LGR5: variants seen among roughly 807,000 people sequenced by gnomAD.
LGR5 encodes leucine-rich repeat-containing G protein-coupled receptor 5.
Under a neutral mutation model 76.7 loss-of-function variants are expected in LGR5, and 54 were observed. The ratio of observed to expected loss-of-function variants is 0.70; its 90% CI spans 0.57 to 0.88. LGR5 has a LOEUF of 0.88. Ranked by LOEUF, LGR5 falls within the 40% of genes least tolerant of loss-of-function variation. The pLI is 0.00. For missense variants in LGR5, 1,078 were observed against 1,073.3 expected, an observed-to-expected ratio of 1.00 and a Z score of -0.06; for synonymous variants, 406 against 421.9, an observed-to-expected ratio of 0.96 and a Z score of 0.46.
At chr12:71,484,321 ACT>A (rs1873736292) in intron 1 of LGR5, among the ~76,000 whole-genome samples, 1 of 152,208 alleles carries the variant, frequency 6.6e-6, no homozygotes, top group African/African-American at 2.4e-5. Context: ...GGGGAAAGAA[ACT>A]GGTTGCCCTT....
chr12:71,507,297 T>G (rs1348558650), intron 2 of LGR5, among the ~76,000 whole-genome samples: 1 of 152,168 alleles, frequency 6.6e-6, no homozygotes, highest in Non-Finnish European at 1.5e-5. Context: ...GTTGGAATTG[T>G]GCATGGTTTA....
chr12:71,571,969 G>T (rs1427864652), intron 12 of LGR5, among the ~76,000 whole-genome samples: 2 of 151,988 alleles, frequency 1.3e-5, no homozygotes, highest in African/African-American at 4.8e-5. Context: ...TTTCACAATA[G>T]TCAACTTTAG....
intron 15 of LGR5, 100 bp downstream of exon 15, chr12:71,579,029 T>C: frequency 9.1e-7 from 1 of 1,102,742 alleles, no homozygotes; most frequent in Non-Finnish European, 1.3e-6. Flanking sequence ...TGAGACACTT[T>C]TGAATTGCAT....
chr12:71,470,874 C>T (rs898119960), intron 1 of LGR5, among the ~76,000 whole-genome samples: 1 of 152,156 alleles, frequency 6.6e-6, no homozygotes, highest in Admixed American at 6.5e-5. Context: ...ACTAGGCCAC[C>T]CCTCAATGGA....
intron 2 of LGR5, among the ~76,000 whole-genome samples, chr12:71,513,895 T>C (rs1290772005): frequency 6.6e-6 from 1 of 152,154 alleles, no homozygotes; most frequent in Non-Finnish European, 1.5e-5. Context: ...GGAAACAAGA[T>C]CAAACGATCA....
chr12:71,496,293 C>A (rs1251748724), intron 1 of LGR5, among the ~76,000 whole-genome samples: 1 of 149,022 alleles, frequency 6.7e-6, no homozygotes, highest in Admixed American at 6.8e-5. Flanking sequence ...ATCACTTGAA[C>A]CCAGGAGGTG....
intron 4 of LGR5, among the ~76,000 whole-genome samples, chr12:71,552,001 T>C (rs557599808): frequency 6.6e-6 from 1 of 152,020 alleles, no homozygotes; most frequent in East Asian, 1.9e-4. Context: ...GAGGCATGTC[T>C]CTAACAGTCT....
In LGR5 at chr12:71,584,128, T is replaced by C; in HGVS notation, c.2118T>C (p.Tyr706=). ...AAVPLLGGSK[Y]GASPLCLPLP... ...TTCCCCTGCTGGGTGGCAGCAAGTA[T>C]GGCGCCTCCCCTCTCTGCCTGCCTT... The change falls in exon 18 of 18, where the codon TAT becomes TAC. Residue 706 remains tyrosine, a synonymous_variant. Coordinates refer to ENST00000266674, the MANE Select transcript of LGR5 (RefSeq NM_003667.4). 1 of 1,614,204 alleles carries C rather than the reference T, an allele frequency of 6.2e-7. No homozygotes were observed. The highest frequency in any genetic ancestry group is 8.5e-7 in the Non-Finnish European group (1 of 1,180,050).
At chr12:71,535,009 C>G in intron 3 of LGR5, 106 bp from the exon 4 acceptor site, 1 of 671,436 alleles carries the variant, frequency 1.5e-6, no homozygotes, top group Non-Finnish European at 2.5e-6. Flanking sequence ...AAGACTTTGT[C>G]TGATGCTCTG....
intron 13 of LGR5, among the ~76,000 whole-genome samples, chr12:71,575,162 T>C (rs1208214390): frequency 6.6e-6 from 1 of 152,136 alleles, no homozygotes; most frequent in Non-Finnish European, 1.5e-5. Context: ...ATGAAGGTAA[T>C]GATAATACCT....
intron 1 of LGR5, among the ~76,000 whole-genome samples, chr12:71,456,729 G>T (rs189285676): frequency 6.6e-6 from 1 of 152,224 alleles, no homozygotes; most frequent in Admixed American, 6.5e-5. Flanking sequence ...AGACATTTTA[G>T]CTAGAAATTA....
At chr12:71,445,283 A>G (rs1197697909) in intron 1 of LGR5, among the ~76,000 whole-genome samples, 1 of 152,196 alleles carries the variant, frequency 6.6e-6, no homozygotes, top group Non-Finnish European at 1.5e-5. Flanking sequence ...TTTGTAGTAG[A>G]GAGATGAATC....
intron 1 of LGR5, among the ~76,000 whole-genome samples, chr12:71,482,633 T>C (rs1274373284): frequency 6.6e-6 from 1 of 152,142 alleles, no homozygotes; most frequent in African/African-American, 2.4e-5. Context: ...AAAGTATTTA[T>C]TGTCACAACT....
At chr12:71,550,151 C>T (rs1340005331) in intron 4 of LGR5, among the ~76,000 whole-genome samples, 2 of 151,948 alleles carry the variant, frequency 1.3e-5, no homozygotes, top group Non-Finnish European at 2.9e-5. Context: ...TTGTCATTTT[C>T]AAGACTTTTA....
At chr12:71,466,671 T>A (rs1333381293) in intron 1 of LGR5, among the ~76,000 whole-genome samples, 2 of 149,154 alleles carry the variant, frequency 1.3e-5, no homozygotes, top group African/African-American at 5.1e-5. Context: ...CTGTCTTCCA[T>A]GTTTTTTTTT....
intron 13 of LGR5, 63 bp downstream of exon 13, chr12:71,572,984 C>T: frequency 1.6e-6 from 2 of 1,219,274 alleles, no homozygotes. Context: ...TGGGGCCTTC[C>T]CCTAATGTTT....
Position 71,490,826 on chromosome 12 carries a change from G to T in LGR5, c.213-13788G>T, listed in dbSNP as rs565122862. ...TTCAGAAGGCTTAAAGCTGAAGGCTGTTGTAAGGCCAGTTTTATTTGATGG... is the reference window on the plus strand; with the variant it reads ...TTCAGAAGGCTTAAAGCTGAAGGCTTTTGTAAGGCCAGTTTTATTTGATGG... On this transcript the variant is annotated intron_variant, in intron 1 of 17. Transcript: ENST00000266674. 3.9e-5 allele frequency among the ~76,000 whole-genome samples: 6 copies of T among 152,304 alleles called. No homozygotes were observed. In the East Asian group the frequency reaches 9.6e-4, roughly 24 times the overall value.
chr12:71,537,071 C>T (rs1876628593), intron 4 of LGR5, among the ~76,000 whole-genome samples: 1 of 151,958 alleles, frequency 6.6e-6, no homozygotes, highest in South Asian at 2.1e-4. Context: ...GCCCCTTTGT[C>T]CAGAGCACAG....
intron 1 of LGR5, among the ~76,000 whole-genome samples, chr12:71,500,217 C>T (rs1278448707): frequency 6.6e-6 from 1 of 152,108 alleles, no homozygotes; most frequent in Non-Finnish European, 1.5e-5. Flanking sequence ...ATACTGTCTG[C>T]TGGGATGGAA....
Sources: allele counts gnomAD v4.1 joint callset (sites outside exome capture counted in the v4.1 genomes callset), GRCh38; gene constraint gnomAD v4.1.1; transcripts MANE v1.5; gene names NCBI Gene and HGNC (gene_info 2026-07-23, HGNC 2026-07-21).